The following STPG2 variants were observed in gnomAD, a reference collection of about 807,000 sequenced individuals.
STPG2 encodes sperm tail PG-rich repeat containing 2, also known as sperm-tail PG-rich repeat-containing protein 2.
Under a neutral mutation model 54.2 loss-of-function variants are expected in STPG2, and 56 were observed. That is an observed-to-expected ratio of 1.03 (90% CI 0.83 to 1.29). STPG2 has a LOEUF of 1.29. Among genes scored for constraint, STPG2 ranks in the 50% most tolerant of loss-of-function variants. The pLI is 0.00. For synonymous variants in STPG2, 200 were observed against 181.8 expected, an observed-to-expected ratio of 1.10 and a Z score of -0.81; for missense variants, 596 against 544.9, an observed-to-expected ratio of 1.09 and a Z score of -0.93.
At chr4:97,508,758 C>A (rs928211757) in intron 4 of STPG2, among the ~76,000 whole-genome samples, 1 of 151,750 alleles carries the variant, frequency 6.6e-6, no homozygotes, top group Non-Finnish European at 1.5e-5. Flanking sequence ...CATGAAAATA[C>A]AAAATATAAA....
At chr4:97,697,601 CA>C (rs1723620010) in intron 10 of STPG2, among the ~76,000 whole-genome samples, 2 of 152,052 alleles carry the variant, frequency 1.3e-5, no homozygotes, top group South Asian at 2.1e-4. Flanking sequence ...CTTGCAAAAA[CA>C]AAAAGGGGGA....
At chr4:97,752,995 T>C (rs945066022) in intron 9 of STPG2, among the ~76,000 whole-genome samples, 1 of 151,816 alleles carries the variant, frequency 6.6e-6, no homozygotes, top group Non-Finnish European at 1.5e-5. Context: ...AAAGAAAATA[T>C]TCAACCATAC....
chr4:97,932,943 A>T (rs1732606542), intron 8 of STPG2, among the ~76,000 whole-genome samples: 1 of 152,204 alleles, frequency 6.6e-6, no homozygotes, highest in Admixed American at 6.5e-5. Flanking sequence ...GAATCGCCAC[A>T]CTGTCTTCCA....
At chr4:98,110,825 T>C (rs961418890) in intron 3 of STPG2, among the ~76,000 whole-genome samples, 4 of 152,254 alleles carry the variant, frequency 2.6e-5, no homozygotes, top group Non-Finnish European at 5.9e-5. Context: ...AGGTGGCTAT[T>C]ACTATTCTAC....
intron 8 of STPG2, among the ~76,000 whole-genome samples, chr4:97,878,100 C>A (rs1029405769): frequency 2.0e-5 from 3 of 152,208 alleles, no homozygotes; most frequent in Admixed American, 6.5e-5. Context: ...ACATCCAGGT[C>A]ACACTGATGC....
intron 10 of STPG2, among the ~76,000 whole-genome samples, chr4:97,703,637 T>A (rs1364033617): frequency 2.2e-5 from 3 of 138,976 alleles, no homozygotes; most frequent in Admixed American, 8.0e-5. Context: ...ATTATATATA[T>A]AAATAAAACA....
intron 5 of STPG2, among the ~76,000 whole-genome samples, chr4:98,000,002 A>C (rs1284350670): frequency 6.6e-6 from 1 of 152,212 alleles, no homozygotes; most frequent in African/African-American, 2.4e-5. Context: ...TGTGGTTCTC[A>C]GTATTATATC....
intron 5 of STPG2, among the ~76,000 whole-genome samples, chr4:98,027,963 C>T (rs1284417933): frequency 6.6e-6 from 1 of 152,170 alleles, no homozygotes; most frequent in African/African-American, 2.4e-5. Context: ...GAGTCTCCTA[C>T]ATCTGTCATG....
chr4:97,609,410 G>A (rs1334151303), intron 10 of STPG2, among the ~76,000 whole-genome samples: 1 of 151,970 alleles, frequency 6.6e-6, no homozygotes. Flanking sequence ...GTAGTTCTCT[G>A]ACCAAGCATA....
chr4:97,892,224 T>C (rs1295508121), intron 8 of STPG2, among the ~76,000 whole-genome samples: 1 of 152,130 alleles, frequency 6.6e-6, no homozygotes, highest in Admixed American at 6.5e-5. Context: ...GGCAAGTTAC[T>C]CTTAGAACAA....
intron 9 of STPG2, among the ~76,000 whole-genome samples, chr4:97,729,746 T>C (rs1724741013): frequency 6.6e-6 from 1 of 152,168 alleles, no homozygotes; most frequent in Non-Finnish European, 1.5e-5. Flanking sequence ...GGAAAAATAC[T>C]AAAGGACCCA....
At chr4:97,956,648 C>T (rs959952198) in intron 7 of STPG2, among the ~76,000 whole-genome samples, 8 of 152,152 alleles carry the variant, frequency 5.3e-5, no homozygotes, top group African/African-American at 1.7e-4. Flanking sequence ...CAGAACTCTG[C>T]GCAGACAACC....
At chr4:98,133,716 G>C (rs1740061784) in intron 2 of STPG2, among the ~76,000 whole-genome samples, 1 of 151,924 alleles carries the variant, frequency 6.6e-6, no homozygotes, top group South Asian at 2.1e-4. Flanking sequence ...ACTGCAACCT[G>C]CATCTATATC....
chr4:97,693,693 C>T (rs1176006375), intron 10 of STPG2, among the ~76,000 whole-genome samples: 1 of 152,048 alleles, frequency 6.6e-6, no homozygotes, highest in Non-Finnish European at 1.5e-5. Context: ...AACATTCTAC[C>T]CAACAATTGC....
chr4:97,598,522 A>G (rs1476760580), intron 10 of STPG2, among the ~76,000 whole-genome samples: 3 of 151,898 alleles, frequency 2.0e-5, no homozygotes, highest in Non-Finnish European at 4.4e-5. Flanking sequence ...ACTACACTAC[A>G]AGACTACAGT....
At chr4:98,071,739 G>A (rs188504082) in intron 5 of STPG2, among the ~76,000 whole-genome samples, 1 of 152,204 alleles carries the variant, frequency 6.6e-6, no homozygotes, top group East Asian at 1.9e-4. Flanking sequence ...ATTAAAAAGT[G>A]GGCAAAGGAC....
intron 4 of STPG2, among the ~76,000 whole-genome samples, chr4:97,523,261 G>A (rs1303361051): frequency 6.6e-6 from 1 of 151,774 alleles, no homozygotes; most frequent in Non-Finnish European, 1.5e-5. Context: ...TTGTAATAGA[G>A]TCTCTTCTAC....
Position 97,863,477 on chromosome 4 carries a change from G to A in STPG2, c.1045-22545C>T, listed in dbSNP as rs926502551. Among the ~76,000 whole-genome samples, 6 of 152,032 alleles carry A rather than the reference G, an allele frequency of 3.9e-5. 1 individual carries two copies. Among genetic ancestry groups the A allele is most frequent in the Admixed American group, 3.9e-4 (6 of 15,244 alleles). ...TTAATAGCTTACCAACCAAAAAAAA[G>A]TCCAGGACCAGATGGATTCATAGCC... On this transcript the variant is annotated intron_variant, in intron 8 of 10. Coordinates refer to ENST00000295268, the MANE Select transcript of STPG2 (RefSeq NM_174952.3).
At chr4:97,564,092 A>T (rs753280222) in intron 10 of STPG2, among the ~76,000 whole-genome samples, 2 of 152,120 alleles carry the variant, frequency 1.3e-5, no homozygotes, top group Admixed American at 1.3e-4. Context: ...GTCACTGAGG[A>T]CTTGCTTTAT....
Sources: allele counts gnomAD v4.1 joint callset (sites outside exome capture counted in the v4.1 genomes callset), GRCh38; gene constraint gnomAD v4.1.1; transcripts MANE v1.5; gene names NCBI Gene and HGNC (gene_info 2026-07-23, HGNC 2026-07-21).